The following UBXN8 variants were observed in gnomAD, a reference collection of about 807,000 sequenced individuals.
The protein encoded by UBXN8 is UBX domain protein 8, also known as UBX domain-containing protein 8.
In UBXN8, 27 loss-of-function variants were observed where a neutral mutation model predicts 32.1. The ratio of observed to expected loss-of-function variants is 0.84; its 90% confidence interval spans 0.62 to 1.16. The LOEUF (loss-of-function observed/expected upper bound fraction) is 1.16. Ranked by LOEUF, UBXN8 falls within the 50% of genes most tolerant of loss-of-function variation. The pLI, the probability that UBXN8 is intolerant of heterozygous loss-of-function variation, is 0.00. For synonymous variants in UBXN8, 109 were observed against 111.8 expected, an observed-to-expected ratio of 0.98 and a Z score of 0.16; for missense variants, 306 against 311.4, an observed-to-expected ratio of 0.98 and a Z score of 0.13.
In UBXN8 at chr8:30,747,768, ACTT is replaced by A. The variant is rs1805402001; in HGVS notation, c.88+3497_88+3499del. On this transcript the variant is annotated intron_variant, in intron 1 of 7. Transcript: ENST00000265616. ...GCCGTGATTTTTTTTTTAAAGTCATACTTCTTCTCTAAGCAACTTTAAATTGCT... is the reference window on the plus strand; with the variant it reads ...GCCGTGATTTTTTTTTTAAAGTCATACTTCTCTAAGCAACTTTAAATTGCT... 1.4e-5 allele frequency among the ~76,000 whole-genome samples: 2 copies of A among 139,240 alleles called. 1 individual carries two copies. Among genetic ancestry groups the A allele is most frequent in the East Asian group, 4.1e-4 (2 of 4,892 alleles). 91.3% of individuals were successfully genotyped at this position (139,240 alleles called of 152,430 possible).
At chr8:30,746,054 A>G (rs865967664) in intron 1 of UBXN8, among the ~76,000 whole-genome samples, 8 of 152,140 alleles carry the variant, frequency 5.3e-5, no homozygotes, top group Non-Finnish European at 1.2e-4. Flanking sequence ...CCCAGCCAGA[A>G]ATATGCTTCT....
chr8:30,760,471 T>A (rs1472681081), intron 5 of UBXN8, among the ~76,000 whole-genome samples: 1 of 134,956 alleles, frequency 7.4e-6, no homozygotes, highest in Non-Finnish European at 1.5e-5. Flanking sequence ...AGTGACAGGG[T>A]CTTGCTTTGT....
At chr8:30,747,891 TTTC>T (rs1586094204) in intron 1 of UBXN8, among the ~76,000 whole-genome samples, 1 of 120,110 alleles carries the variant, frequency 8.3e-6, no homozygotes, top group African/African-American at 3.7e-5. Context: ...ATATATATTT[TTTC>T]TTTTTTTTTT....
chr8:30,750,823 A>G (rs1018211050), intron 1 of UBXN8, among the ~76,000 whole-genome samples: 8 of 151,028 alleles, frequency 5.3e-5, no homozygotes, highest in African/African-American at 2.0e-4. Flanking sequence ...AGAAGGAAAA[A>G]AAAAAAGAAA....
chr8:30,744,062 G>A (rs998325498), upstream of UBXN8: 20 of 772,952 alleles, frequency 2.6e-5, no homozygotes, highest in Non-Finnish European at 4.3e-5. Context: ...TAACGACACG[G>A]CCGTCAGTAT....
At chr8:30,763,185 C>A in intron 6 of UBXN8, 88 bp from the exon 7 acceptor site, 1 of 1,289,044 alleles carries the variant, frequency 7.8e-7, no homozygotes, top group South Asian at 1.2e-5. Context: ...GTATCTAAGT[C>A]CTTTTTAGCT....
At chr8:30,755,235 G>T (rs1286647547) in intron 4 of UBXN8, among the ~76,000 whole-genome samples, 3 of 152,112 alleles carry the variant, frequency 2.0e-5, no homozygotes, top group Non-Finnish European at 1.5e-5. Context: ...GATTACAGGC[G>T]TGAGCCACTG....
At chr8:30,740,055 C>T (rs951736900), upstream of UBXN8, among the ~76,000 whole-genome samples, 9 of 151,830 alleles carry the variant, frequency 5.9e-5, no homozygotes, top group Admixed American at 3.3e-4. Context: ...GTGCATGCCA[C>T]CACACCCAGC....
At chr8:30,731,373 TG>T (rs1804954116), upstream of UBXN8, among the ~76,000 whole-genome samples, 1 of 152,244 alleles carries the variant, frequency 6.6e-6, no homozygotes, top group Non-Finnish European at 1.5e-5. Context: ...ATCGGAGCCA[TG>T]GGAGTTTCAG....
At chr8:30,765,367 C>T (rs1000456936) in intron 7 of UBXN8, among the ~76,000 whole-genome samples, 17 of 151,934 alleles carry the variant, frequency 1.1e-4, no homozygotes, top group South Asian at 4.1e-4. Flanking sequence ...TCAACCTCCC[C>T]GGACTCAGGT....
upstream of UBXN8, among the ~76,000 whole-genome samples, chr8:30,730,180 T>G (rs1804918574): frequency 1.3e-5 from 2 of 152,278 alleles, no homozygotes; most frequent in South Asian, 4.2e-4. Context: ...ACCCCTCCCT[T>G]GGCAGCTCGT....
chr8:30,744,113 G>A, upstream of UBXN8: 4 of 1,425,260 alleles, frequency 2.8e-6, no homozygotes, highest in South Asian at 2.4e-5. Flanking sequence ...CCCGCGGCAA[G>A]AAGAGTTCCA....
chr8:30,753,763 A>G (rs1417163377), intron 3 of UBXN8, among the ~76,000 whole-genome samples: 1 of 141,128 alleles, frequency 7.1e-6, no homozygotes. Flanking sequence ...CATTGAATAG[A>G]TATACCACTT....
At chr8:30,761,614 A>G (rs976633332) in intron 6 of UBXN8, among the ~76,000 whole-genome samples, 2 of 152,088 alleles carry the variant, frequency 1.3e-5, no homozygotes, top group East Asian at 1.9e-4. Context: ...CAAAATAGGC[A>G]TATGTCCGAG....
chr8:30,757,705 A>G (rs1021737617), intron 5 of UBXN8, among the ~76,000 whole-genome samples: 6 of 151,572 alleles, frequency 4.0e-5, no homozygotes, highest in Non-Finnish European at 8.8e-5. Flanking sequence ...CTAAAAATAC[A>G]AAAATTAGCC....
At chr8:30,731,789 A>G (rs1333197891), upstream of UBXN8, among the ~76,000 whole-genome samples, 1 of 151,872 alleles carries the variant, frequency 6.6e-6, no homozygotes, top group Non-Finnish European at 1.5e-5. Context: ...GAAGCTCTTG[A>G]AGGTATCCAG....
intron 5 of UBXN8, 42 bp downstream of exon 5, chr8:30,756,929 A>G (rs777585163): frequency 6.2e-7 from 1 of 1,611,118 alleles, no homozygotes; most frequent in Non-Finnish European, 8.5e-7. Context: ...GTCTGTGTGC[A>G]GTAGGAGTAT....
At chr8:30,753,167 A>G (rs1350966241) in intron 3 of UBXN8, 62 bp downstream of exon 3, 1 of 1,421,868 alleles carries the variant, frequency 7.0e-7, no homozygotes, top group Non-Finnish European at 9.2e-7. Context: ...GAGGCAATTA[A>G]AATTAAGGGC....
chr8:30,751,345 C>A, intron 1 of UBXN8, 51 bp from the exon 2 acceptor site: 1 of 1,485,654 alleles, frequency 6.7e-7, no homozygotes, highest in Non-Finnish European at 9.1e-7. Context: ...GAGACCTCAT[C>A]TCTTAAAAAA....
Sources: allele counts gnomAD v4.1 joint callset (sites outside exome capture counted in the v4.1 genomes callset), GRCh38; gene constraint gnomAD v4.1.1; transcripts MANE v1.5; gene names NCBI Gene and HGNC (gene_info 2026-07-23, HGNC 2026-07-21).